TENM3: variants seen among roughly 807,000 people sequenced by gnomAD.
TENM3 encodes teneurin transmembrane protein 3.
A neutral mutation model predicts 255.1 loss-of-function variants in TENM3; 63 were observed. The observed-to-expected ratio is 0.25, with a 90% CI of 0.20 to 0.30. The LOEUF (loss-of-function observed/expected upper bound fraction) is 0.30, where lower values mean the gene tolerates loss of function less well. Ranked by LOEUF, TENM3 falls within the 10% of genes least tolerant of loss-of-function variation. TENM3 has a pLI of 1.00. For missense variants in TENM3, 2,929 were observed against 3,461.1 expected, an observed-to-expected ratio of 0.85 and a Z score of 3.86; for synonymous variants, 1,306 against 1,322.3, an observed-to-expected ratio of 0.99 and a Z score of 0.27.
At chr4:181,795,388 C>A in the TENM3 span, among the ~76,000 whole-genome samples, 1 of 152,104 alleles carries the variant, frequency 6.6e-6, no homozygotes, top group South Asian at 2.1e-4. Flanking sequence ...TATAAAGGCA[C>A]TAATCCTGTT....
chr4:181,724,611 A>G, the TENM3 span, among the ~76,000 whole-genome samples: 1 of 152,196 alleles, frequency 6.6e-6, no homozygotes. Context: ...CTTTGCCCAC[A>G]CAGTGACTGA....
the TENM3 span, among the ~76,000 whole-genome samples, chr4:181,473,307 G>C: frequency 6.6e-6 from 1 of 152,218 alleles, no homozygotes; most frequent in African/African-American, 2.4e-5. Flanking sequence ...TCCATCCTAG[G>C]ACTGAGTGCG....
chr4:181,613,508 G>A, the TENM3 span, among the ~76,000 whole-genome samples: 2 of 152,140 alleles, frequency 1.3e-5, no homozygotes, highest in Admixed American at 6.6e-5. Context: ...CTCTCCTAAC[G>A]CAGAGGCAGT....
At chr4:182,035,168 T>G in the TENM3 span, among the ~76,000 whole-genome samples, 2 of 152,252 alleles carry the variant, frequency 1.3e-5, no homozygotes, top group East Asian at 3.8e-4. Context: ...AAGGTTTGTT[T>G]CTATCAGAAA....
At chr4:182,192,281 C>T (rs749578831) in intron 1 of TENM3, among the ~76,000 whole-genome samples, 15 of 152,166 alleles carry the variant, frequency 9.9e-5, no homozygotes, top group Non-Finnish European at 1.6e-4. Flanking sequence ...TGGCTCTTTA[C>T]ATAAAGTCTT....
chr4:182,551,267 T>A (rs577068148), intron 3 of TENM3, among the ~76,000 whole-genome samples: 5 of 151,930 alleles, frequency 3.3e-5, no homozygotes, highest in Non-Finnish European at 5.9e-5. Context: ...GTCCCTTCAT[T>A]TGTCCATAAT....
chr4:182,727,377 A>C (rs935816909), intron 13 of TENM3, among the ~76,000 whole-genome samples: 4 of 148,046 alleles, frequency 2.7e-5, no homozygotes, highest in African/African-American at 1.0e-4. Context: ...AATCACTTGA[A>C]CCAGTTAGGC....
the TENM3 span, among the ~76,000 whole-genome samples, chr4:181,963,844 T>A: frequency 1.3e-5 from 2 of 151,950 alleles, no homozygotes; most frequent in Non-Finnish European, 2.9e-5. Flanking sequence ...TCATAAAGAG[T>A]CCCGTGTGTT....
At chr4:182,747,673 C>G (rs1762102214) in intron 19 of TENM3, among the ~76,000 whole-genome samples, 1 of 152,210 alleles carries the variant, frequency 6.6e-6, no homozygotes, top group Non-Finnish European at 1.5e-5. Context: ...AACTAAAAAT[C>G]AACTTTGTGA....
At chr4:181,550,028 C>T in the TENM3 span, among the ~76,000 whole-genome samples, 1 of 152,108 alleles carries the variant, frequency 6.6e-6, no homozygotes, top group African/African-American at 2.4e-5. Context: ...GTTCATTTTA[C>T]ACTTCTGATT....
chr4:182,008,420 C>G, the TENM3 span, among the ~76,000 whole-genome samples: 2 of 151,984 alleles, frequency 1.3e-5, no homozygotes, highest in African/African-American at 4.8e-5. Context: ...TTCTTGGAGG[C>G]TTTGCTCATT....
the TENM3 span, among the ~76,000 whole-genome samples, chr4:182,049,947 C>T: frequency 1.3e-5 from 2 of 151,854 alleles, no homozygotes; most frequent in East Asian, 3.9e-4. Context: ...GAAATTGAGT[C>T]CTTAAAGGCA....
At chr4:182,703,718 TG>T in intron 12 of TENM3, among the ~76,000 whole-genome samples, 1 of 152,364 alleles carries the variant, frequency 6.6e-6, no homozygotes, top group East Asian at 1.9e-4. Context: ...TGTTCAGTTT[TG>T]TTTATTATTT....
At chr4:181,705,536 T>C in the TENM3 span, among the ~76,000 whole-genome samples, 4 of 152,200 alleles carry the variant, frequency 2.6e-5, no homozygotes, top group Admixed American at 1.3e-4. Context: ...CTTTGATTGA[T>C]AAGTAAAAAC....
intron 1 of TENM3, among the ~76,000 whole-genome samples, chr4:182,232,384 T>C (rs1484581879): frequency 6.6e-6 from 1 of 152,190 alleles, no homozygotes; most frequent in Non-Finnish European, 1.5e-5. Context: ...ATGTCTGTTG[T>C]ATACCTATTA....
intron 3 of TENM3, among the ~76,000 whole-genome samples, chr4:182,589,708 C>T (rs942952508): frequency 2.0e-5 from 3 of 152,104 alleles, no homozygotes; most frequent in Non-Finnish European, 4.4e-5. Flanking sequence ...CGCAGTGGCT[C>T]ACGCCTGTAA....
chr4:182,142,048 G>A (rs991346834), upstream of TENM3: 45 of 152,190 alleles, frequency 3.0e-4, no homozygotes, highest in Middle Eastern at 3.2e-3. Flanking sequence ...TTACGATCAT[G>A]TCCGGATTCA....
the TENM3 span, among the ~76,000 whole-genome samples, chr4:181,482,216 A>C: frequency 1.3e-5 from 2 of 152,192 alleles, no homozygotes; most frequent in African/African-American, 4.8e-5. Context: ...CAAGGTAATT[A>C]GCATAATGAT....
intron 25 of TENM3, among the ~76,000 whole-genome samples, chr4:182,790,640 G>A (rs1205284655): frequency 6.6e-6 from 1 of 152,148 alleles, no homozygotes; most frequent in African/African-American, 2.4e-5. Context: ...CATCAGAAGA[G>A]ACTCACCCTT....
Sources: gnomAD v4.1 joint callset for allele counts (sites outside exome capture counted in the v4.1 genomes callset) on GRCh38, gnomAD v4.1.1 for gene constraint, MANE v1.5 for transcripts, NCBI Gene and HGNC (gene_info 2026-07-23, HGNC 2026-07-21) for gene names.